Variants in DYRK1A observed in about 807,000 individuals in gnomAD.
The protein encoded by DYRK1A is dual specificity tyrosine-phosphorylation-regulated kinase 1A.
A neutral mutation model predicts 79.7 loss-of-function variants in DYRK1A; 9 were observed. That is an observed-to-expected ratio of 0.11 (90% CI 0.07 to 0.20). The LOEUF is 0.20. Among genes scored for constraint, DYRK1A ranks in the 10% least tolerant of loss-of-function variants. The pLI is 1.00. For missense variants in DYRK1A, 622 were observed against 956.0 expected, an observed-to-expected ratio of 0.65 and a Z score of 4.61; for synonymous variants, 349 against 329.7, an observed-to-expected ratio of 1.06 and a Z score of -0.63.
At chr21:37,366,502 G>C (rs1215612290), upstream of DYRK1A, among the ~76,000 whole-genome samples, 7 of 141,154 alleles carry the variant, frequency 5.0e-5, no homozygotes, top group African/African-American at 1.8e-4. Context: ...ACCCTCCCTC[G>C]GCCTAGCCGT....
chr21:37,382,656 C>G (rs1363937075), intron 1 of DYRK1A, among the ~76,000 whole-genome samples: 1 of 152,124 alleles, frequency 6.6e-6, no homozygotes, highest in Non-Finnish European at 1.5e-5. Context: ...TCTTAAAAAG[C>G]AAGCTACTAT....
At chr21:37,457,838 T>G (rs924714939) in intron 2 of DYRK1A, among the ~76,000 whole-genome samples, 1 of 152,230 alleles carries the variant, frequency 6.6e-6, no homozygotes, top group Non-Finnish European at 1.5e-5. Flanking sequence ...AAAGTTAATT[T>G]TTTTCCCCCT....
In DYRK1A at chr21:37,479,622, T is replaced by TTTGTTTTTG. The variant is rs1352322971; in HGVS notation, c.301-1014_301-1013insGTTTTTGTT. Among the ~76,000 whole-genome samples the TTTGTTTTTG allele has an allele frequency of 3.8e-5, 4 of 105,724 alleles. No homozygotes were observed. In the East Asian group the frequency reaches 8.6e-4, roughly 23 times the overall value. 69.4% of individuals were successfully genotyped at this position (105,724 alleles called of 152,430 possible). A position where few individuals can be genotyped will look rare whatever the true frequency, so the allele number is the denominator to read the frequency against. On this transcript the variant is annotated intron_variant, in intron 4 of 11. Transcript: ENST00000647188. ...TTTGTTTTTGTTTTTGTTTTTTGTT[T>TTTGTTTTTG]TTTTTTTTTTTTTTGGAGACAGAGT...
chr21:37,418,996 C>G (rs893645365), intron 1 of DYRK1A: 36 of 152,076 alleles, frequency 2.4e-4, no homozygotes, highest in African/African-American at 8.0e-4. Flanking sequence ...TTTTAAAGAA[C>G]CTGGGAGTTC....
chr21:37,403,292 ATAAT>A (rs1177018481), intron 1 of DYRK1A, among the ~76,000 whole-genome samples: 2 of 152,040 alleles, frequency 1.3e-5, no homozygotes, highest in African/African-American at 2.4e-5. Context: ...GATTTTGAAA[ATAAT>A]TCTAATTCTT....
intron 8 of DYRK1A, among the ~76,000 whole-genome samples, chr21:37,493,450 A>T (rs538705798): frequency 6.6e-6 from 1 of 152,360 alleles, no homozygotes; most frequent in East Asian, 1.9e-4. Flanking sequence ...CAGAAAGCTT[A>T]AAGATGATAA....
chr21:37,484,663 A>G (rs772933734), intron 5 of DYRK1A, among the ~76,000 whole-genome samples: 25 of 152,066 alleles, frequency 1.6e-4, no homozygotes, highest in South Asian at 6.2e-4. Flanking sequence ...CCTGACATCT[A>G]CCATGCAAAT....
chr21:37,385,718 C>T (rs1158332630), intron 1 of DYRK1A, among the ~76,000 whole-genome samples: 3 of 152,098 alleles, frequency 2.0e-5, no homozygotes, highest in Non-Finnish European at 2.9e-5. Flanking sequence ...CTTGTTTCAC[C>T]GGAATTTTAG....
chr21:37,480,917 T>C (rs2052617608), intron 5 of DYRK1A, 91 bp downstream of exon 5: 2 of 1,065,564 alleles, frequency 1.9e-6, no homozygotes, highest in Admixed American at 2.7e-5. Context: ...GAGTGTACTT[T>C]TAATATTTGC....
chr21:37,483,443 G>A (rs1425292755), intron 5 of DYRK1A, among the ~76,000 whole-genome samples: 1 of 152,188 alleles, frequency 6.6e-6, no homozygotes, highest in Non-Finnish European at 1.5e-5. Flanking sequence ...CTGATGTCAC[G>A]TGTATATGTC....
Position 37,516,273 on chromosome 21 carries a change from A to G in DYRK1A, c.*3742A>G, listed in dbSNP as rs2148669418. 6.6e-6 allele frequency: 1 copy of G among 152,288 alleles called. No homozygotes were observed. The highest frequency in any genetic ancestry group is 2.4e-5 in the African/African-American group (1 of 41,558). The allele number at this position is 152,288 out of a possible 1,614,324, so 9.4% of individuals were successfully genotyped here. ...AAGGAAGTTTGAAAATGTAATGGGG[A>G]CAAAAGCCGTGCGTGACTTCGGTAT... is the stretch of plus-strand genomic sequence containing the variant. On this transcript the variant is annotated 3_prime_UTR_variant, in exon 12 of 12. Transcript: ENST00000647188.
chr21:37,434,481 C>G (rs1209539353), intron 2 of DYRK1A, among the ~76,000 whole-genome samples: 1 of 152,190 alleles, frequency 6.6e-6, no homozygotes, highest in Non-Finnish European at 1.5e-5. Context: ...TGTCAGAACA[C>G]TGATGTTCTT....
intron 2 of DYRK1A, among the ~76,000 whole-genome samples, chr21:37,433,340 G>A (rs2835739): frequency 0.2 from 29,746 of 151,986 alleles, 3,141 homozygotes; most frequent in East Asian, 0.36. Context: ...GGAAAGTTTT[G>A]TGATACAAAA....
At chr21:37,466,281 A>C (rs902078178) in intron 2 of DYRK1A, among the ~76,000 whole-genome samples, 2 of 152,242 alleles carry the variant, frequency 1.3e-5, no homozygotes, top group African/African-American at 2.4e-5. Context: ...ACAGAATTAA[A>C]ACAGAAATCA....
intron 2 of DYRK1A, among the ~76,000 whole-genome samples, chr21:37,457,011 AATTTACTTACTTACTTACTTACTTACTT>A (rs1244504213): frequency 2.3e-4 from 30 of 132,986 alleles, no homozygotes; most frequent in African/African-American, 7.6e-4. Context: ...GTAAAAAGAA[AATTTACTTACTTACTTACTTACTTACTT>A]ATTTATTTAT....
At chr21:37,464,538 G>A (rs776533457) in intron 2 of DYRK1A, among the ~76,000 whole-genome samples, 68 of 152,158 alleles carry the variant, frequency 4.5e-4, no homozygotes, top group African/African-American at 3.4e-4. Flanking sequence ...CTTTGGAACT[G>A]CACTCCAAAT....
At chr21:37,395,032 C>T (rs996215233) in intron 1 of DYRK1A, among the ~76,000 whole-genome samples, 2 of 152,122 alleles carry the variant, frequency 1.3e-5, no homozygotes, top group Non-Finnish European at 2.9e-5. Context: ...GCGTCCCCGC[C>T]CCCAGACAGA....
chr21:37,392,991 C>T (rs1038333287), intron 1 of DYRK1A, among the ~76,000 whole-genome samples: 2 of 152,222 alleles, frequency 1.3e-5, no homozygotes, highest in Non-Finnish European at 2.9e-5. Flanking sequence ...TTTATAATGG[C>T]ATTAACCAAT....
At chr21:37,378,385 A>T (rs2148365454) in intron 1 of DYRK1A, among the ~76,000 whole-genome samples, 1 of 152,294 alleles carries the variant, frequency 6.6e-6, no homozygotes, top group South Asian at 2.1e-4. Context: ...ATACAAAATC[A>T]GCCGGGTGTG....
Sources: gnomAD v4.1 joint callset for allele counts (sites outside exome capture counted in the v4.1 genomes callset) on GRCh38, gnomAD v4.1.1 for gene constraint, MANE v1.5 for transcripts, NCBI Gene and HGNC (gene_info 2026-07-23, HGNC 2026-07-21) for gene names.